The following NDUFAF7 variants were observed in gnomAD, a reference collection of about 807,000 sequenced individuals.
The protein encoded by NDUFAF7 is NADH:ubiquinone oxidoreductase complex assembly factor 7.
In NDUFAF7, 48 loss-of-function variants were observed where a neutral mutation model predicts 47.2. The ratio of observed to expected loss-of-function variants is 1.02; its 90% CI spans 0.81 to 1.29. The LOEUF (loss-of-function observed/expected upper bound fraction) is 1.29. NDUFAF7 is among the 50% of genes most tolerant of loss of function. The probability of loss-of-function intolerance (pLI) is 0.00; values close to 1 mark genes in which losing one functional copy is unlikely to be tolerated. For synonymous variants in NDUFAF7, 217 were observed against 190.0 expected, an observed-to-expected ratio of 1.14 and a Z score of -1.17; for missense variants, 635 against 537.6, an observed-to-expected ratio of 1.18 and a Z score of -1.79.
the NDUFAF7 span, among the ~76,000 whole-genome samples, chr2:37,265,183 G>A: frequency 6.6e-6 from 1 of 152,090 alleles, no homozygotes; most frequent in Admixed American, 6.6e-5. Flanking sequence ...ATGACACGGG[G>A]CAAAGATGGA....
the NDUFAF7 span, among the ~76,000 whole-genome samples, chr2:37,265,320 A>G: frequency 3.3e-5 from 5 of 152,238 alleles, no homozygotes; most frequent in Non-Finnish European, 7.3e-5. Flanking sequence ...ACATAACTAA[A>G]TCTTATGAAA....
chr2:37,267,667 A>G, the NDUFAF7 span: 2 of 664,170 alleles, frequency 3.0e-6, no homozygotes, highest in Non-Finnish European at 5.1e-6. Context: ...CTTTCTCCAC[A>G]CTCCTTCACT....
Position 37,231,982 on chromosome 2 carries a change from A to T in NDUFAF7, c.56-124A>T, listed in dbSNP as rs1036326270. 6.7e-5 allele frequency: 107 copies of T among 1,602,012 alleles called. No individual in the cohort carries two copies. The Admixed American group carries it at 8.5e-4, about 13-fold the overall frequency. On this transcript the variant is annotated intron_variant, in intron 1 of 9. Coordinates refer to ENST00000002125, the MANE Select transcript of NDUFAF7 (RefSeq NM_144736.5). ...GCCCCGTGGGCGTGCTAAGCACAGTAGCCCGCGGTCTGCGGTGGGGCGAGG... is the reference window on the plus strand; with the variant it reads ...GCCCCGTGGGCGTGCTAAGCACAGTTGCCCGCGGTCTGCGGTGGGGCGAGG...
At chr2:37,232,355 C>T in intron 2 of NDUFAF7, 89 bp downstream of exon 2, 1 of 1,544,268 alleles carries the variant, frequency 6.5e-7, no homozygotes, top group Admixed American at 1.7e-5. Flanking sequence ...GTTCTCAGCC[C>T]AGGCAGTGGG....
intron 9 of NDUFAF7, 79 bp downstream of exon 9, chr2:37,247,708 G>C (rs1667081663): frequency 6.6e-7 from 1 of 1,504,062 alleles, no homozygotes; most frequent in Non-Finnish European, 9.2e-7. Context: ...TGTTCACCTG[G>C]CCTTAATGCT....
chr2:37,270,485 C>T, the NDUFAF7 span, among the ~76,000 whole-genome samples: 2 of 152,044 alleles, frequency 1.3e-5, no homozygotes, highest in African/African-American at 4.8e-5. Flanking sequence ...CTGCTCTTCG[C>T]CCCCTTCCCT....
intron 4 of NDUFAF7, among the ~76,000 whole-genome samples, chr2:37,238,475 G>A (rs1169087143): frequency 2.6e-5 from 4 of 151,792 alleles, no homozygotes; most frequent in Non-Finnish European, 5.9e-5. Flanking sequence ...TTTAGGCTGG[G>A]CAAAGTGGCT....
At chr2:37,241,145 A>G (rs1340072528) in intron 4 of NDUFAF7, among the ~76,000 whole-genome samples, 1 of 152,130 alleles carries the variant, frequency 6.6e-6, no homozygotes, top group African/African-American at 2.4e-5. Context: ...CGAGTTAAGC[A>G]GTCAGGTTTT....
chr2:37,260,160 G>C, the NDUFAF7 span: 1 of 1,417,508 alleles, frequency 7.1e-7, no homozygotes. Context: ...TAAGACTCTT[G>C]TCTTAAAAAA....
chr2:37,265,819 A>C, the NDUFAF7 span, among the ~76,000 whole-genome samples: 49 of 152,310 alleles, frequency 3.2e-4, no homozygotes, highest in African/African-American at 1.1e-3. Flanking sequence ...TGATATAATA[A>C]TGAAGTTTTT....
chr2:37,232,030 T>G, intron 1 of NDUFAF7, 76 bp from the exon 2 acceptor site: 1 of 1,612,074 alleles, frequency 6.2e-7, no homozygotes. Flanking sequence ...GAAGCTGTTT[T>G]GAAAACGCTC....
chr2:37,249,679 G>C (rs1667323476), downstream of NDUFAF7, among the ~76,000 whole-genome samples: 1 of 90,774 alleles, frequency 1.1e-5, no homozygotes, highest in African/African-American at 6.1e-5. Context: ...CACACACACA[G>C]CCTAGGAGGA....
chr2:37,250,026 AT>A (rs374474201), downstream of NDUFAF7, among the ~76,000 whole-genome samples: 2 of 148,412 alleles, frequency 1.3e-5, no homozygotes, highest in South Asian at 2.2e-4. Flanking sequence ...ACATTATGAG[AT>A]TTTTTTTTGC....
chr2:37,253,418 T>G, downstream of NDUFAF7: 1 of 1,420,480 alleles, frequency 7.0e-7, no homozygotes, highest in Non-Finnish European at 9.5e-7. Context: ...GTTTTTGTTT[T>G]GTGTTTTTTT....
chr2:37,250,776 A>T (rs1667422617), downstream of NDUFAF7: 1 of 152,572 alleles, frequency 6.6e-6, no homozygotes, highest in Admixed American at 6.5e-5. Flanking sequence ...ATATAACCAA[A>T]AAAATATTAA....
intron 7 of NDUFAF7, among the ~76,000 whole-genome samples, chr2:37,245,359 G>A (rs1666796719): frequency 1.3e-5 from 2 of 152,192 alleles, no homozygotes; most frequent in Non-Finnish European, 2.9e-5. Flanking sequence ...ATCAGATCAG[G>A]AAGTAGTGAA....
chr2:37,237,914 G>C (rs1350580315), intron 4 of NDUFAF7, 47 bp downstream of exon 4: 2 of 1,290,346 alleles, frequency 1.5e-6, no homozygotes, highest in Admixed American at 3.6e-5. Flanking sequence ...GTGAATTTTA[G>C]TACTTCTGAG....
chr2:37,236,352 G>A (rs1484379280), intron 3 of NDUFAF7, among the ~76,000 whole-genome samples, 176 bp downstream of exon 3: 4 of 152,102 alleles, frequency 2.6e-5, no homozygotes, highest in African/African-American at 9.7e-5. Flanking sequence ...TAAAATGGTA[G>A]AGAGAATATT....
At chr2:37,234,830 G>A (rs868530304) in intron 2 of NDUFAF7, among the ~76,000 whole-genome samples, 18 of 152,244 alleles carry the variant, frequency 1.2e-4, no homozygotes, top group Middle Eastern at 3.4e-3. Flanking sequence ...CCCAGATTAG[G>A]TTAGAGGCCA....
Sources: gnomAD v4.1 joint callset for allele counts (sites outside exome capture counted in the v4.1 genomes callset) on GRCh38, gnomAD v4.1.1 for gene constraint, MANE v1.5 for transcripts, NCBI Gene and HGNC (gene_info 2026-07-23, HGNC 2026-07-21) for gene names.